DMTF1: variants seen among roughly 807,000 people sequenced by gnomAD.
The protein encoded by DMTF1 is cyclin D binding myb like transcription factor 1.
Under a neutral mutation model 91.1 loss-of-function variants are expected in DMTF1, and 39 were observed. That is an observed-to-expected ratio of 0.43 (90% confidence interval 0.33 to 0.56). The LOEUF (loss-of-function observed/expected upper bound fraction) is 0.56. DMTF1 is among the 20% of genes least tolerant of loss of function. The probability of loss-of-function intolerance (pLI) is 0.05; values close to 1 mark genes in which losing one functional copy is unlikely to be tolerated. For synonymous variants in DMTF1, 338 were observed against 309.5 expected, an observed-to-expected ratio of 1.09 and a Z score of -0.97; for missense variants, 750 against 914.5, an observed-to-expected ratio of 0.82 and a Z score of 2.32.
Position 87,184,544 on chromosome 7 carries a change from C to G in DMTF1, c.968C>G (p.Ser323Cys). Residue 323 changes from serine (S) to cysteine (C), a missense_variant, in exon 11 of 18, where the codon TCT becomes TGT. Physicochemically the swap from Ser to Cys is moderately radical, Grantham distance 112 (BLOSUM62 -1). Transcript: ENST00000331242. ...ACCCGCTCAGAAAAGCAATGTCGTT[C>G]TAAATGGCTCAACTACCTGAATTGG... The part of the protein sequence containing the change: ...VGTRSEKQCR[S>C]KWLNYLNWKQ... The G allele has an allele frequency of 6.2e-7, 1 of 1,614,032 alleles. No homozygotes were observed. Among genetic ancestry groups the G allele is most frequent in the Non-Finnish European group, 8.5e-7 (1 of 1,179,960 alleles).
intron 4 of DMTF1, among the ~76,000 whole-genome samples, chr7:87,170,755 T>C (rs1046934202): frequency 2.0e-5 from 3 of 152,206 alleles, no homozygotes; most frequent in Non-Finnish European, 4.4e-5. Context: ...ACAGGCTCCA[T>C]GAAGAAAGGA....
Position 87,179,721 on chromosome 7 carries a change from C to T in DMTF1, c.677+19C>T. On this transcript the variant is annotated intron_variant, in intron 8 of 17. Coordinates refer to ENST00000331242, the MANE Select transcript of DMTF1 (RefSeq NM_001142327.2). ...TGGGAAAGTATGAGAACTTGTAATG[C>T]TGCATGTTTTCATGTAATTAGGGGA... The T allele has an allele frequency of 1.9e-6, 3 of 1,548,322 alleles. No homozygotes were observed. Among genetic ancestry groups the T allele is most frequent in the Non-Finnish European group, 2.6e-6 (3 of 1,157,334 alleles).
At chr7:87,153,512 A>T (rs182585808) in intron 1 of DMTF1, among the ~76,000 whole-genome samples, 2 of 152,314 alleles carry the variant, frequency 1.3e-5, no homozygotes, top group African/African-American at 4.8e-5. Context: ...TTTATATAAA[A>T]TACTCGGTGT....
At chr7:87,179,189 T>C (rs530265906) in intron 7 of DMTF1, among the ~76,000 whole-genome samples, 1 of 152,082 alleles carries the variant, frequency 6.6e-6, no homozygotes, top group Non-Finnish European at 1.5e-5. Context: ...AAAGAACCAA[T>C]TTCTAGATTA....
intron 7 of DMTF1, among the ~76,000 whole-genome samples, chr7:87,177,735 A>G (rs1345190569): frequency 6.6e-6 from 1 of 152,154 alleles, no homozygotes; most frequent in Non-Finnish European, 1.5e-5. Flanking sequence ...TCTGCATTTC[A>G]TTGCTGTAGG....
At chr7:87,173,438 C>A in intron 5 of DMTF1, 97 bp from the exon 6 acceptor site, 1 of 628,406 alleles carries the variant, frequency 1.6e-6, no homozygotes, top group Non-Finnish European at 2.7e-6. Flanking sequence ...TTTTATAATG[C>A]TTAGCATTAC....
chr7:87,164,278 TA>T (rs1793279065), intron 2 of DMTF1: 1 of 152,160 alleles, frequency 6.6e-6, no homozygotes. Flanking sequence ...ATTCTGAGAC[TA>T]GTTATTCCAT....
chr7:87,159,848 C>CT (rs1231662935), intron 1 of DMTF1, among the ~76,000 whole-genome samples: 1 of 152,186 alleles, frequency 6.6e-6, no homozygotes, highest in Non-Finnish European at 1.5e-5. Context: ...CTAAACATAT[C>CT]TAAATATAGA....
chr7:87,158,856 G>A (rs1791475143), intron 1 of DMTF1, among the ~76,000 whole-genome samples: 1 of 152,042 alleles, frequency 6.6e-6, no homozygotes, highest in African/African-American at 2.4e-5. Flanking sequence ...AACAAGTAAT[G>A]CTAAGCTAAA....
rs1789372631 is a variant in DMTF1 at position 87,152,471 on chromosome 7, C to G, written c.-216C>G. The G allele has an allele frequency of 6.5e-6, 1 of 153,568 alleles. No individual in the cohort carries two copies. The allele number at this position is 153,568 out of a possible 1,614,324, so 9.5% of individuals were successfully genotyped here. On this transcript the variant is annotated 5_prime_UTR_variant, in exon 1 of 18. Coordinates refer to ENST00000331242, the MANE Select transcript of DMTF1 (RefSeq NM_001142327.2). Reference sequence around the variant, plus strand: ...CTCGCTCACTCCAGCTGCAGCCACTCTCGCCCGTGGCTGCTTCCTCCATCC... The same window carrying G: ...CTCGCTCACTCCAGCTGCAGCCACTGTCGCCCGTGGCTGCTTCCTCCATCC...
intron 16 of DMTF1, chr7:87,194,365 G>T: frequency 2.2e-6 from 1 of 455,682 alleles, no homozygotes; most frequent in Non-Finnish European, 3.9e-6. Context: ...ATGTTTGTTA[G>T]AACCCATAGA....
At position 87,166,617 on chromosome 7, in the gene DMTF1, C is replaced by G. The variant is rs201345988; in HGVS notation, c.232+12C>G. 10 of 1,557,866 alleles carry G rather than the reference C, an allele frequency of 6.4e-6. No individual in the cohort carries two copies. In the East Asian group the frequency reaches 1.4e-4, roughly 21 times the overall value. ...TGTTGCACTTCCACGTAAGTCACTA[C>G]GTATTAAGAGCCATAGAGTTCCCTT... On this transcript the variant is annotated intron_variant, in intron 4 of 17. Coordinates refer to ENST00000331242, the MANE Select transcript of DMTF1 (RefSeq NM_001142327.2).
At chr7:87,186,945 ATATCT>A (rs1798590683) in intron 12 of DMTF1, 1 of 152,318 alleles carries the variant, frequency 6.6e-6, no homozygotes, top group Admixed American at 6.5e-5. Context: ...ATAATTTCAA[ATATCT>A]TAGCTAGGTG....
At chr7:87,184,751 T>C in intron 11 of DMTF1, 126 bp downstream of exon 11, 1 of 811,980 alleles carries the variant, frequency 1.2e-6, no homozygotes, top group Non-Finnish European at 2.1e-6. Context: ...AGAGCACTAC[T>C]GTTTAAGATC....
At chr7:87,159,458 A>G (rs1237481063) in intron 1 of DMTF1, among the ~76,000 whole-genome samples, 2 of 152,158 alleles carry the variant, frequency 1.3e-5, no homozygotes, top group African/African-American at 4.8e-5. Context: ...CAGATCGTCC[A>G]TGGTTTTCCT....
chr7:87,193,983 G>A lies in DMTF1; in HGVS notation c.1909G>A (p.Asp637Asn). ...TGATGCTCATGTATCCAAATTCAGTGACCAAAATAGCACAGAACTGATGAA... is the reference window on the plus strand; with the variant it reads ...TGATGCTCATGTATCCAAATTCAGTAACCAAAATAGCACAGAACTGATGAA... ...FNDAHVSKFS[D>N]QNSTELMNSV... Residue 637 changes from aspartate to asparagine, a missense_variant, in exon 16 of 18, where the codon GAC (aspartate) becomes AAC (asparagine). This residue lies in a region of DMTF1 where 410 missense variants were observed against 420.2 expected (regional missense o/e 0.98). Transcript: ENST00000331242. The A allele has an allele frequency of 6.2e-7, 1 of 1,613,304 alleles. No homozygotes were observed. Among genetic ancestry groups the A allele is most frequent in the Non-Finnish European group, 8.5e-7 (1 of 1,179,600 alleles).
At chr7:87,172,177 G>A (rs1795212848) in intron 5 of DMTF1, among the ~76,000 whole-genome samples, 1 of 152,054 alleles carries the variant, frequency 6.6e-6, no homozygotes, top group African/African-American at 2.4e-5. Flanking sequence ...TATAACTCTA[G>A]GATCAAATCT....
At chr7:87,172,502 A>G (rs766263394) in intron 5 of DMTF1, among the ~76,000 whole-genome samples, 16 of 152,236 alleles carry the variant, frequency 1.1e-4, no homozygotes, top group Non-Finnish European at 1.5e-4. Context: ...TCCAAGAGAG[A>G]TGAGGACAAC....
intron 4 of DMTF1, among the ~76,000 whole-genome samples, chr7:87,169,377 T>G (rs1293032700): frequency 6.6e-6 from 1 of 152,144 alleles, no homozygotes; most frequent in Admixed American, 6.5e-5. Context: ...GAGAATTGCT[T>G]GAGCCTGGGA....
Sources: gnomAD v4.1 joint callset for allele counts (sites outside exome capture counted in the v4.1 genomes callset) on GRCh38, gnomAD v4.1.1 for gene constraint, gnomAD v4.1.1 regional missense constraint, MANE v1.5 for transcripts, NCBI Gene and HGNC (gene_info 2026-07-23, HGNC 2026-07-21) for gene names.